PRDM5: variants seen among roughly 807,000 people sequenced by gnomAD.
PRDM5 encodes the protein PR/SET domain 5.
PRDM5 carries 56 observed loss-of-function variants against 81.2 expected under a neutral mutation model. The ratio of observed to expected loss-of-function variants is 0.69; its 90% CI spans 0.56 to 0.86. PRDM5 has a LOEUF of 0.86. Ranked by LOEUF, PRDM5 falls within the 40% of genes least tolerant of loss-of-function variation. The probability of loss-of-function intolerance (pLI) is 0.00; values close to 1 mark genes in which losing one functional copy is unlikely to be tolerated. For missense variants in PRDM5, 697 were observed against 770.1 expected (o/e 0.91, Z 1.12); for synonymous variants, 267 against 256.4 (o/e 1.04, Z -0.39).
chr4:120,809,406 TA>T (rs200444654), intron 8 of PRDM5, among the ~76,000 whole-genome samples: 8 of 151,728 alleles, frequency 5.3e-5, no homozygotes, highest in Admixed American at 3.9e-4. Flanking sequence ...AAAATACTTT[TA>T]AAAAAAACAA....
intron 2 of PRDM5, among the ~76,000 whole-genome samples, chr4:120,871,146 T>C (rs976180827): frequency 6.6e-6 from 1 of 152,206 alleles, no homozygotes; most frequent in African/African-American, 2.4e-5. Flanking sequence ...CAGAAAGTTT[T>C]TCCTCAGGTT....
intron 2 of PRDM5, among the ~76,000 whole-genome samples, chr4:120,882,522 T>C (rs1195481250): frequency 6.6e-6 from 1 of 152,212 alleles, no homozygotes; most frequent in African/African-American, 2.4e-5. Context: ...TCTGCATCAG[T>C]AGTATATTTT....
At chr4:120,839,173 C>T in intron 3 of PRDM5, 1 of 697,588 alleles carries the variant, frequency 1.4e-6, no homozygotes, top group Admixed American at 2.0e-5. Flanking sequence ...GCTCTTCTCT[C>T]CTTCTCTTCA....
At chr4:120,738,763 A>G (rs1032135559) in intron 14 of PRDM5, among the ~76,000 whole-genome samples, 2 of 152,218 alleles carry the variant, frequency 1.3e-5, no homozygotes, top group African/African-American at 4.8e-5. Context: ...AATATAGAAG[A>G]ATATTACACA....
chr4:120,783,642 C>T (rs1482246339), intron 11 of PRDM5, among the ~76,000 whole-genome samples: 2 of 152,062 alleles, frequency 1.3e-5, no homozygotes, highest in Non-Finnish European at 2.9e-5. Context: ...CTAAATCAAA[C>T]TGGTAATGAA....
intron 13 of PRDM5, among the ~76,000 whole-genome samples, chr4:120,764,203 AT>A (rs1041453452): frequency 4.6e-5 from 7 of 152,226 alleles, no homozygotes; most frequent in Non-Finnish European, 7.3e-5. Context: ...GGCCATATCC[AT>A]TTTTGAGGAC....
chr4:120,744,266 G>A (rs1014881205), intron 14 of PRDM5, among the ~76,000 whole-genome samples: 39 of 152,130 alleles, frequency 2.6e-4, no homozygotes, highest in Non-Finnish European at 4.7e-4. Flanking sequence ...GAATCTCTGG[G>A]ACACATTCAA....
At chr4:120,840,444 C>T (rs1038237486) in intron 3 of PRDM5, among the ~76,000 whole-genome samples, 4 of 152,086 alleles carry the variant, frequency 2.6e-5, no homozygotes, top group Admixed American at 2.6e-4. Context: ...GGCAGCCCCA[C>T]GCAGAGCCTC....
intron 3 of PRDM5, among the ~76,000 whole-genome samples, chr4:120,850,867 G>GT (rs1759185639): frequency 6.6e-6 from 1 of 152,136 alleles, no homozygotes; most frequent in Non-Finnish European, 1.5e-5. Flanking sequence ...CATGAAAACT[G>GT]TAAGTCTTAG....
intron 3 of PRDM5, among the ~76,000 whole-genome samples, chr4:120,830,755 T>A (rs1219834250): frequency 6.6e-6 from 1 of 151,986 alleles, no homozygotes; most frequent in African/African-American, 2.4e-5. Flanking sequence ...GCAAATAAAA[T>A]CTGGTTTGCT....
At chr4:120,735,851 T>C (rs1241321023) in intron 14 of PRDM5, among the ~76,000 whole-genome samples, 1 of 152,192 alleles carries the variant, frequency 6.6e-6, no homozygotes, top group Non-Finnish European at 1.5e-5. Flanking sequence ...TGTCTAATAC[T>C]TTTTAAATAT....
rs191153102 is a variant in PRDM5, at chr4:120,780,675, C to T, written c.1443+468G>A. On this transcript the variant is annotated intron_variant, in intron 12 of 15. Coordinates refer to ENST00000264808, the MANE Select transcript of PRDM5 (RefSeq NM_018699.4). ...GTATTTATCGAGTCCCCATTCTGTACCAGAAACTTCCCTATGCTCTAGAGA... is the reference window on the plus strand; with the variant it reads ...GTATTTATCGAGTCCCCATTCTGTATCAGAAACTTCCCTATGCTCTAGAGA... Among the ~76,000 whole-genome samples, 44 of 152,174 alleles carry T rather than the reference C, an allele frequency of 2.9e-4. No homozygotes were observed. The East Asian group carries it at 5.4e-3, about 19-fold the overall frequency.
At chr4:120,710,489 G>A (rs980239443) in intron 14 of PRDM5, 76 bp from the exon 15 acceptor site, 2 of 1,185,290 alleles carry the variant, frequency 1.7e-6, no homozygotes, top group Non-Finnish European at 2.5e-6. Context: ...TCAGGTGTGT[G>A]TTATGGGATC....
chr4:120,745,470 T>C (rs1321086243), intron 14 of PRDM5, among the ~76,000 whole-genome samples: 2 of 150,180 alleles, frequency 1.3e-5, no homozygotes, highest in East Asian at 1.9e-4. Context: ...GGTATTCAAT[T>C]AGGAAAAGAG....
At chr4:120,762,871 G>A (rs1006248184) in intron 13 of PRDM5, 5 of 152,096 alleles carry the variant, frequency 3.3e-5, no homozygotes, top group African/African-American at 1.2e-4. Flanking sequence ...CACCATCTTT[G>A]AAAGAAGGAC....
chr4:120,688,532 T>C (rs544699743), downstream of PRDM5, among the ~76,000 whole-genome samples: 8 of 152,292 alleles, frequency 5.3e-5, no homozygotes, highest in African/African-American at 1.4e-4. Context: ...TTTGGTGTCC[T>C]ATCCAAGAAA....
At chr4:120,817,739 T>C (rs1255569744) in intron 5 of PRDM5, among the ~76,000 whole-genome samples, 5 of 152,180 alleles carry the variant, frequency 3.3e-5, no homozygotes, top group African/African-American at 9.6e-5. Context: ...TTTCTGATCC[T>C]GTAAAATATT....
At chr4:120,871,414 G>A (rs1171440255) in intron 2 of PRDM5, among the ~76,000 whole-genome samples, 1 of 152,164 alleles carries the variant, frequency 6.6e-6, no homozygotes, top group Non-Finnish European at 1.5e-5. Flanking sequence ...CCAGGTCTGT[G>A]TCTAACAGGC....
At chr4:120,817,031 T>C (rs1331408359) in intron 5 of PRDM5, 107 bp from the exon 6 acceptor site, 3 of 943,778 alleles carry the variant, frequency 3.2e-6, no homozygotes, top group Non-Finnish European at 3.4e-6. Flanking sequence ...GTGATCCCTT[T>C]TTTCATTGTC....
Sources: gnomAD v4.1 joint callset for allele counts (sites outside exome capture counted in the v4.1 genomes callset) on GRCh38, gnomAD v4.1.1 for gene constraint, MANE v1.5 for transcripts, NCBI Gene and HGNC (gene_info 2026-07-23, HGNC 2026-07-21) for gene names.